Variants in SLC9A9 observed in about 807,000 individuals in gnomAD.
The protein encoded by SLC9A9 is solute carrier family 9 member A9.
In SLC9A9, 62 loss-of-function variants were observed where a neutral mutation model predicts 77.8. The ratio of observed to expected loss-of-function variants is 0.80; its 90% CI spans 0.65 to 0.98. SLC9A9 has a LOEUF of 0.98. Ranked by LOEUF, SLC9A9 falls within the 50% of genes least tolerant of loss-of-function variation. SLC9A9 has a pLI of 0.00. For synonymous variants in SLC9A9, 320 were observed against 283.5 expected (o/e 1.13, Z -1.29); for missense variants, 775 against 774.9 (o/e 1.00, Z 0.00).
intron 4 of SLC9A9, 117 bp downstream of exon 4, chr3:143,794,884 G>A: frequency 2.2e-6 from 2 of 894,080 alleles, no homozygotes; most frequent in South Asian, 2.7e-5. Flanking sequence ...ACAAATATGT[G>A]ATATACTAAA....
intron 14 of SLC9A9, among the ~76,000 whole-genome samples, chr3:143,362,707 C>G (rs2032785212): frequency 6.6e-6 from 1 of 152,190 alleles, no homozygotes. Context: ...AAACTAGCTA[C>G]AAAGACCCAA....
chr3:143,427,332 G>C (rs566553139), intron 12 of SLC9A9, among the ~76,000 whole-genome samples: 1 of 152,082 alleles, frequency 6.6e-6, no homozygotes, highest in South Asian at 2.1e-4. Flanking sequence ...GTATATTTTT[G>C]CCACATAATT....
chr3:143,786,913 CA>C (rs1255187267), intron 4 of SLC9A9, among the ~76,000 whole-genome samples: 1 of 152,066 alleles, frequency 6.6e-6, no homozygotes, highest in Non-Finnish European at 1.5e-5. Context: ...ACGTAGGCTC[CA>C]GGGGCAGTGA....
intron 4 of SLC9A9, among the ~76,000 whole-genome samples, chr3:143,736,756 G>A (rs1403803361): frequency 6.6e-6 from 1 of 152,128 alleles, no homozygotes; most frequent in Non-Finnish European, 1.5e-5. Context: ...TGAAGGCGAG[G>A]GTAGTTAATT....
chr3:143,479,256 T>C (rs1001571792), intron 11 of SLC9A9, among the ~76,000 whole-genome samples: 2 of 152,206 alleles, frequency 1.3e-5, no homozygotes, highest in African/African-American at 2.4e-5. Context: ...TATTTGTTTA[T>C]TTTTATTTTT....
At chr3:143,621,719 C>G (rs2038216404) in intron 6 of SLC9A9, among the ~76,000 whole-genome samples, 2 of 152,292 alleles carry the variant, frequency 1.3e-5, no homozygotes, top group South Asian at 2.1e-4. Context: ...TCTCCTCCTC[C>G]AAAGGAACTC....
At chr3:143,430,320 C>T (rs531152129) in intron 12 of SLC9A9, among the ~76,000 whole-genome samples, 1 of 152,322 alleles carries the variant, frequency 6.6e-6, no homozygotes, top group Non-Finnish European at 1.5e-5. Context: ...TGCTTTATCA[C>T]TTGGAAGGGG....
At chr3:143,461,263 T>G (rs1459516452) in intron 12 of SLC9A9, among the ~76,000 whole-genome samples, 2 of 152,220 alleles carry the variant, frequency 1.3e-5, no homozygotes, top group African/African-American at 4.8e-5. Flanking sequence ...GTTTATCATT[T>G]TAAATGCAGA....
intron 4 of SLC9A9, among the ~76,000 whole-genome samples, chr3:143,764,214 A>G (rs950085674): frequency 6.6e-6 from 1 of 152,188 alleles, no homozygotes; most frequent in African/African-American, 2.4e-5. Context: ...TATAACATAC[A>G]ATGTGAGCTC....
chr3:143,732,193 T>A (rs1017290772), intron 4 of SLC9A9, among the ~76,000 whole-genome samples: 1 of 152,362 alleles, frequency 6.6e-6, no homozygotes, highest in Admixed American at 6.5e-5. Flanking sequence ...CCTCAACAGG[T>A]AAGCACACTG....
chr3:143,613,122 T>C lies in SLC9A9; in HGVS notation c.756-34399A>G, dbSNP rs2038048161. 2.0e-5 allele frequency among the ~76,000 whole-genome samples: 3 copies of C among 152,266 alleles called. 1 individual carries two copies. The South Asian group carries it at 6.2e-4, about 31-fold the overall frequency. On this transcript the variant is annotated intron_variant, in intron 6 of 15. Transcript: ENST00000316549. The stretch of plus-strand genomic sequence containing the variant: ...AAAACATTTTTCTATGGCAAACTGC[T>C]TTTAATATGATCAATTACCTTTCCA...
chr3:143,442,453 G>T (rs2034760046), intron 12 of SLC9A9, among the ~76,000 whole-genome samples: 1 of 152,230 alleles, frequency 6.6e-6, no homozygotes, highest in African/African-American at 2.4e-5. Flanking sequence ...TGGGCACGGT[G>T]GCTCATGCCT....
intron 12 of SLC9A9, among the ~76,000 whole-genome samples, chr3:143,415,825 G>T (rs1373059576): frequency 2.0e-5 from 3 of 152,204 alleles, no homozygotes; most frequent in Admixed American, 2.0e-4. Flanking sequence ...TCTGGGCAAA[G>T]CAAATTGAAG....
chr3:143,772,763 G>A (rs1409941255), intron 4 of SLC9A9, among the ~76,000 whole-genome samples: 3 of 152,210 alleles, frequency 2.0e-5, no homozygotes, highest in Non-Finnish European at 2.9e-5. Context: ...GATTGGAAAC[G>A]TTATAGACGC....
intron 6 of SLC9A9, among the ~76,000 whole-genome samples, chr3:143,625,710 G>T (rs922696505): frequency 4.6e-5 from 7 of 152,196 alleles, no homozygotes; most frequent in Non-Finnish European, 1.0e-4. Flanking sequence ...CATGGGCAAA[G>T]ACTTCATGTC....
intron 4 of SLC9A9, among the ~76,000 whole-genome samples, chr3:143,716,844 C>T (rs1038395503): frequency 5.3e-5 from 8 of 152,122 alleles, no homozygotes; most frequent in Admixed American, 6.5e-5. Context: ...GTACCAATGC[C>T]GTTTATGTGG....
intron 4 of SLC9A9, among the ~76,000 whole-genome samples, chr3:143,785,845 C>CTTTTTT (rs57552730): frequency 8.5e-4 from 96 of 112,996 alleles, no homozygotes; most frequent in Non-Finnish European, 1.4e-3. Flanking sequence ...TTGAATTTTT[C>CTTTTTT]TTTTTTTTTT....
At chr3:143,785,839 A>ATTT (rs2008032539) in intron 4 of SLC9A9, among the ~76,000 whole-genome samples, 1 of 110,240 alleles carries the variant, frequency 9.1e-6, no homozygotes, top group Non-Finnish European at 1.9e-5. Flanking sequence ...TAAGACTTGA[A>ATTT]TTTTTCTTTT....
chr3:143,691,240 A>T (rs1027378050), intron 5 of SLC9A9, among the ~76,000 whole-genome samples: 3 of 151,874 alleles, frequency 2.0e-5, no homozygotes, highest in Non-Finnish European at 4.4e-5. Context: ...TTTAATTTTT[A>T]AATTTTTTTT....
Sources: allele counts gnomAD v4.1 joint callset (sites outside exome capture counted in the v4.1 genomes callset), GRCh38; gene constraint gnomAD v4.1.1; transcripts MANE v1.5; gene names NCBI Gene and HGNC (gene_info 2026-07-23, HGNC 2026-07-21).